The following SMARCC1 variants were observed in gnomAD, a reference collection of about 807,000 sequenced individuals.
SMARCC1 encodes SWI/SNF related BAF chromatin remodeling complex subunit C1, also known as SWI/SNF complex subunit SMARCC1.
SMARCC1 carries 43 observed loss-of-function variants against 147.4 expected under a neutral mutation model. The observed-to-expected ratio is 0.29, with a 90% CI of 0.23 to 0.38. The LOEUF is 0.38. Among genes scored for constraint, SMARCC1 ranks in the 10% least tolerant of loss-of-function variants. SMARCC1 has a pLI of 1.00. For missense variants in SMARCC1, 1,119 were observed against 1,381.1 expected, an observed-to-expected ratio of 0.81 and a Z score of 3.01; for synonymous variants, 495 against 484.4, an observed-to-expected ratio of 1.02 and a Z score of -0.29.
At chr3:47,637,969 C>A (rs183717389) in intron 22 of SMARCC1, among the ~76,000 whole-genome samples, 2 of 152,264 alleles carry the variant, frequency 1.3e-5, no homozygotes, top group East Asian at 3.9e-4. Context: ...TCTTCTCATT[C>A]TTTTCTTAAG....
In SMARCC1 at chr3:47,595,679, G is replaced by C. The variant is rs117949632; in HGVS notation, c.3044-4842C>G. Among the ~76,000 whole-genome samples, 151 of 151,616 alleles carry C rather than the reference G, an allele frequency of 1.0e-3. No individual in the cohort carries two copies. In the East Asian group the frequency reaches 0.022, roughly 22 times the overall value. On this transcript the variant is annotated intron_variant, in intron 26 of 27. Transcript: ENST00000254480. ...ATCTATATAAATACCATACCCTTTT[G>C]TGGTACCTTACTATCTTTCATCTGT...
At chr3:47,677,105 C>T (rs553639678) in intron 16 of SMARCC1, among the ~76,000 whole-genome samples, 38 of 151,972 alleles carry the variant, frequency 2.5e-4, no homozygotes, top group Non-Finnish European at 4.4e-4. Context: ...TAAAAAAATC[C>T]GCATTTTTCG....
In SMARCC1 at chr3:47,661,415, C is replaced by A. The variant is rs2033346056; in HGVS notation, c.2199G>T (p.Leu733Phe). 3 of 1,613,062 alleles carry A rather than the reference C, an allele frequency of 1.9e-6. No individual in the cohort carries two copies. In the African/African-American group the frequency reaches 4.0e-5, roughly 22 times the overall value. Reference protein sequence around the residue: ...SRVREEVPLELVEAHVKKVQE... With the variant: ...SRVREEVPLEFVEAHVKKVQE... ...GTACTTTCTTGACATGAGCTTCAAC[C>A]AATTCCAGTGGTACCTCCTCCCGGA... Residue 733 changes from leucine to phenylalanine, a missense_variant, in exon 21 of 28, where the codon TTG (leucine) becomes TTT (phenylalanine). By Grantham distance (22) the Leu-to-Phe change is conservative (BLOSUM62 0). Transcript: ENST00000254480.
At chr3:47,621,695 T>C (rs1244365566) in intron 25 of SMARCC1, among the ~76,000 whole-genome samples, 1 of 152,128 alleles carries the variant, frequency 6.6e-6, no homozygotes, top group Non-Finnish European at 1.5e-5. Context: ...AAGCTACATA[T>C]TGGTACTATG....
intron 2 of SMARCC1, among the ~76,000 whole-genome samples, chr3:47,768,972 G>A (rs111811644): frequency 0.01 from 1,570 of 152,170 alleles, 30 homozygotes; most frequent in African/African-American, 0.035. Flanking sequence ...CACTTTGGGA[G>A]GGAGAGGTGG....
intron 2 of SMARCC1, 76 bp downstream of exon 2, chr3:47,772,741 G>T: frequency 7.6e-7 from 1 of 1,318,782 alleles, no homozygotes; most frequent in Non-Finnish European, 1.0e-6. Context: ...AGCAGCAAAG[G>T]AAAAAAGCTG....
intron 5 of SMARCC1, among the ~76,000 whole-genome samples, chr3:47,729,518 T>A (rs185835840): frequency 7.0e-4 from 107 of 152,246 alleles, no homozygotes; most frequent in African/African-American, 2.2e-3. Flanking sequence ...CCTGAGTAGC[T>A]GGGATTACAG....
chr3:47,600,997 A>AAGAGAGAG (rs1559622849), intron 26 of SMARCC1, among the ~76,000 whole-genome samples: 65 of 28,896 alleles, frequency 2.2e-3, no homozygotes, highest in South Asian at 3.3e-3. Context: ...GAGGAAGAAA[A>AAGAGAGAG]TGAGAGAGAG....
At chr3:47,775,060 T>TCC (rs2034958190) in intron 1 of SMARCC1, among the ~76,000 whole-genome samples, 3 of 152,042 alleles carry the variant, frequency 2.0e-5, no homozygotes, top group Admixed American at 1.3e-4. Flanking sequence ...CACTTTGGCC[T>TCC]CCCAAAAAGT....
chr3:47,758,725 T>A, intron 2 of SMARCC1, among the ~76,000 whole-genome samples: 1 of 152,164 alleles, frequency 6.6e-6, no homozygotes, highest in Admixed American at 6.6e-5. Flanking sequence ...ATTAATTAAT[T>A]TATTTATTTA....
In SMARCC1 at chr3:47,686,089, T is replaced by C. The variant is rs775994780; in HGVS notation, c.1345A>G (p.Ile449Val). ...CATGATGCATAACTAGGAATAATAATGTGATTGGTCTGCTCTGTCACATTA... is the reference window on the plus strand; with the variant it reads ...CATGATGCATAACTAGGAATAATAACGTGATTGGTCTGCTCTGTCACATTA... The part of the protein sequence containing the change: ...EDNVTEQTNH[I>V]IIPSYASWFD... The change falls in exon 14 of 28, where the codon ATT becomes GTT. Residue 449 changes from isoleucine (I) to valine (V), a missense_variant. By Grantham distance (29) the Ile-to-Val change is conservative (BLOSUM62 3). This residue lies in a region of SMARCC1 where 542 missense variants were observed against 611.8 expected (regional missense o/e 0.89). Transcript: ENST00000254480. The C allele has an allele frequency of 8.7e-6, 14 of 1,612,838 alleles. No individual in the cohort carries two copies. Among genetic ancestry groups the C allele is most frequent in the Middle Eastern group, 3.3e-4 (2 of 6,082 alleles).
At chr3:47,729,525 A>G (rs2034343544) in intron 5 of SMARCC1, among the ~76,000 whole-genome samples, 1 of 152,092 alleles carries the variant, frequency 6.6e-6, no homozygotes, top group Admixed American at 6.6e-5. Context: ...AGCTGGGATT[A>G]CAGGCACCCG....
chr3:47,660,497 T>C (rs1202898695), intron 21 of SMARCC1, among the ~76,000 whole-genome samples: 1 of 145,016 alleles, frequency 6.9e-6, no homozygotes, highest in Non-Finnish European at 1.5e-5. Context: ...GTCCATGAAC[T>C]GACAAATAAA....
At chr3:47,741,047 A>G (rs2034503977) in intron 3 of SMARCC1, among the ~76,000 whole-genome samples, 2 of 152,222 alleles carry the variant, frequency 1.3e-5, no homozygotes, top group South Asian at 4.2e-4. Flanking sequence ...TTGCCAAAAA[A>G]AGATAAGGAA....
intron 3 of SMARCC1, 104 bp from the exon 4 acceptor site, chr3:47,738,214 T>A: frequency 1.5e-6 from 1 of 676,332 alleles, no homozygotes; most frequent in Non-Finnish European, 2.5e-6. Flanking sequence ...ATTTGAAAAT[T>A]AAAATAACTC....
At chr3:47,768,613 T>C (rs1471428192) in intron 2 of SMARCC1, among the ~76,000 whole-genome samples, 4 of 152,184 alleles carry the variant, frequency 2.6e-5, no homozygotes, top group Non-Finnish European at 5.9e-5. Context: ...GCAATCAATA[T>C]GTACTATATT....
chr3:47,662,469 C>T lies in SMARCC1; in HGVS notation c.2023G>A (p.Asp675Asn). 1 of 1,614,144 alleles carries T rather than the reference C, an allele frequency of 6.2e-7. No homozygotes were observed. Among genetic ancestry groups the T allele is most frequent in the South Asian group, 1.1e-5 (1 of 91,070 alleles). The change falls in exon 20 of 28, where the codon GAT becomes AAT. Residue 675 changes from aspartate to asparagine, a missense_variant. Transcript: ENST00000254480. ...TAGGCCAAAGGCCCAAGGGAAGCAT[C>T]TGAATTCTCAAGGTATGGGTCCTCA... ...PIEDPYLENS[D>N]ASLGPLAYQP... is the part of the protein sequence containing the mutation.
intron 21 of SMARCC1, among the ~76,000 whole-genome samples, chr3:47,643,920 G>A (rs1016071948): frequency 7.2e-5 from 11 of 152,194 alleles, no homozygotes; most frequent in African/African-American, 2.7e-4. Context: ...CAAGGCACGG[G>A]AAGCTCACGC....
intron 25 of SMARCC1, among the ~76,000 whole-genome samples, chr3:47,611,253 A>AT (rs1371819190): frequency 6.6e-6 from 1 of 152,186 alleles, no homozygotes; most frequent in Admixed American, 6.5e-5. Context: ...CCATCCCATC[A>AT]TTTTGATAGA....
Sources: allele counts gnomAD v4.1 joint callset (sites outside exome capture counted in the v4.1 genomes callset), GRCh38; gene constraint gnomAD v4.1.1; regional missense constraint gnomAD v4.1.1; transcripts MANE v1.5; gene names NCBI Gene and HGNC (gene_info 2026-07-23, HGNC 2026-07-21).